LRP2: variants seen among roughly 807,000 people sequenced by gnomAD.
LRP2 encodes low-density lipoprotein receptor-related protein 2.
LRP2 carries 172 observed loss-of-function variants against 531.0 expected under a neutral mutation model. The ratio of observed to expected loss-of-function variants is 0.32; its 90% confidence interval spans 0.29 to 0.37. The LOEUF (loss-of-function observed/expected upper bound fraction) is 0.37. Among genes scored for constraint, LRP2 ranks in the 10% least tolerant of loss-of-function variants. The probability of loss-of-function intolerance (pLI) is 1.00; values close to 1 mark genes in which losing one functional copy is unlikely to be tolerated. For missense variants in LRP2, 5,167 were observed against 5,868.3 expected, an observed-to-expected ratio of 0.88 and a Z score of 3.90; for synonymous variants, 1,992 against 2,027.6, an observed-to-expected ratio of 0.98 and a Z score of 0.47.
intron 1 of LRP2, among the ~76,000 whole-genome samples, chr2:169,343,539 T>C (rs1254565766): frequency 1.3e-5 from 2 of 152,176 alleles, no homozygotes; most frequent in African/African-American, 4.8e-5. Flanking sequence ...GGACCTTGCA[T>C]GTTCACAATA....
intron 15 of LRP2, among the ~76,000 whole-genome samples, 159 bp downstream of exon 15, chr2:169,272,768 A>G: frequency 6.6e-6 from 1 of 152,188 alleles, no homozygotes; most frequent in East Asian, 1.9e-4. Flanking sequence ...AGTGGTGCCT[A>G]CCAAGGAAGA....
Position 169,235,862 on chromosome 2 carries a change from C to T in LRP2, c.4898G>A (p.Arg1633Lys). 2 of 1,614,142 alleles carry T rather than the reference C, an allele frequency of 1.2e-6. No homozygotes were observed. Among genetic ancestry groups the T allele is most frequent in the Non-Finnish European group, 1.7e-6 (2 of 1,179,978 alleles). Residue 1633 changes from arginine to lysine, a missense_variant, in exon 29 of 79, where the codon AGA (arginine) becomes AAA (lysine). This residue lies in a region of LRP2 where 2,811 missense variants were observed against 3,058.0 expected (regional missense o/e 0.92). Coordinates refer to ENST00000649046, the MANE Select transcript of LRP2 (RefSeq NM_004525.3). The stretch of plus-strand genomic sequence containing the variant: ...TACCAAATCACTGGCTATCACCTGT[C>T]TCCGATGGTGTCCATTATAATCACA... ...DFCDYNGHHR[R>K]QVIASDLIIR...
At chr2:169,195,652 T>C (rs1359523717) in intron 46 of LRP2, among the ~76,000 whole-genome samples, 1 of 152,196 alleles carries the variant, frequency 6.6e-6, no homozygotes, top group African/African-American at 2.4e-5. Context: ...ATATTAATTA[T>C]TCATATATTT....
chr2:169,265,320 C>G (rs1690755763), intron 16 of LRP2, among the ~76,000 whole-genome samples: 1 of 152,024 alleles, frequency 6.6e-6, no homozygotes, highest in Non-Finnish European at 1.5e-5. Context: ...ACCAAGCCAC[C>G]TTCCTGCCTG....
intron 55 of LRP2, 124 bp downstream of exon 55, chr2:169,175,069 G>T: frequency 1.2e-6 from 1 of 835,334 alleles, no homozygotes; most frequent in Non-Finnish European, 2.0e-6. Flanking sequence ...GATGGAGCCT[G>T]AGTTTCCTTC....
intron 74 of LRP2, 149 bp from the exon 75 acceptor site, chr2:169,138,855 G>T: frequency 1.1e-6 from 1 of 902,150 alleles, no homozygotes; most frequent in Non-Finnish European, 1.7e-6. Flanking sequence ...AATTTACACT[G>T]TCAAATATGG....
At chr2:169,139,749 T>C in intron 72 of LRP2, 139 bp from the exon 73 acceptor site, 1 of 782,620 alleles carries the variant, frequency 1.3e-6, no homozygotes, top group Non-Finnish European at 2.3e-6. Context: ...TGCATGACTT[T>C]TGTTCATTCT....
chr2:169,156,214 T>G (rs1686325837), intron 65 of LRP2, 60 bp downstream of exon 65: 2 of 1,605,928 alleles, frequency 1.2e-6, no homozygotes, highest in Admixed American at 3.3e-5. Context: ...CATCGTATAG[T>G]GTACTTAGCA....
chr2:169,184,190 A>T (rs1360455545), intron 50 of LRP2, among the ~76,000 whole-genome samples: 1 of 152,156 alleles, frequency 6.6e-6, no homozygotes, highest in Non-Finnish European at 1.5e-5. Flanking sequence ...GGAACAAAGG[A>T]TGGTGACAAG....
At chr2:169,213,932 C>T in intron 35 of LRP2, 62 bp from the exon 36 acceptor site, 1 of 1,065,342 alleles carries the variant, frequency 9.4e-7, no homozygotes, top group Non-Finnish European at 1.5e-6. Flanking sequence ...AACATTTAAA[C>T]ACTAATATTC....
intron 17 of LRP2, among the ~76,000 whole-genome samples, chr2:169,258,001 A>C (rs1409706775): frequency 6.6e-6 from 1 of 152,126 alleles, no homozygotes; most frequent in Admixed American, 6.6e-5. Context: ...GTTTTTCAAA[A>C]CCAAAGGCCA....
At chr2:169,279,086 A>G (rs1416763446) in intron 12 of LRP2, among the ~76,000 whole-genome samples, 1 of 152,226 alleles carries the variant, frequency 6.6e-6, no homozygotes, top group Non-Finnish European at 1.5e-5. Flanking sequence ...TCTCTTAGCT[A>G]GGAAAACGTG....
intron 16 of LRP2, 60 bp downstream of exon 16, chr2:169,270,844 A>G: frequency 1.6e-6 from 2 of 1,222,808 alleles, no homozygotes; most frequent in Admixed American, 1.8e-5. Flanking sequence ...TGTAAGTATC[A>G]TTACAATAAA....
Position 169,290,876 on chromosome 2 carries a change from A to T in LRP2, c.891T>A (p.Asp297Glu), listed in dbSNP as rs112343092. 2.5e-6 allele frequency: 4 copies of T among 1,614,028 alleles called. No homozygotes were observed. The highest frequency in any genetic ancestry group is 3.4e-6 in the Non-Finnish European group (4 of 1,180,018). The change falls in exon 8 of 79, where the codon GAT becomes GAA. Residue 297 changes from aspartate to glutamate, a missense_variant. By Grantham distance (45) the Asp-to-Glu change is conservative (BLOSUM62 2). Around this residue, in one of 6 missense-constraint regions of LRP2, gnomAD observed 2,811 missense variants for 3,058.0 expected, o/e 0.92. Transcript: ENST00000649046. ...DGILDCPGRE[D>E]ENNTSTGKYC... The stretch of plus-strand genomic sequence containing the variant: ...ATTTTCCGGTACTAGTGTTGTTTTC[A>T]TCTTCTCTTCCTGGGCAATCTAAAA...
Position 169,182,146 on chromosome 2 carries a change from A to G in LRP2, c.9998+21T>C, listed in dbSNP as rs1241619924. On this transcript the variant is annotated intron_variant, in intron 51 of 78. Transcript: ENST00000649046. ...GAAGAAGGAGGTGAAAGAAAAGCCC[A>G]GGATTGCAGGGAGACAATACCCATA... is the stretch of plus-strand genomic sequence containing the variant. 1.9e-6 allele frequency: 3 copies of G among 1,613,768 alleles called. No individual in the cohort carries two copies. In the African/African-American group the frequency reaches 4.0e-5, roughly 22 times the overall value.
At chr2:169,333,172 G>T (rs1347665665) in intron 1 of LRP2, among the ~76,000 whole-genome samples, 1 of 151,968 alleles carries the variant, frequency 6.6e-6, no homozygotes, top group Non-Finnish European at 1.5e-5. Flanking sequence ...TTAAAAACTG[G>T]TTTTGCTGAT....
intron 14 of LRP2, among the ~76,000 whole-genome samples, chr2:169,274,779 G>A (rs1683509407): frequency 6.6e-6 from 1 of 152,096 alleles, no homozygotes; most frequent in Non-Finnish European, 1.5e-5. Flanking sequence ...CTTTGCAGGT[G>A]CTAATAAACA....
Position 169,145,658 on chromosome 2 carries a change from T to C in LRP2, c.12988+89A>G, listed in dbSNP as rs920941137. 26 of 1,277,144 alleles carry C rather than the reference T, an allele frequency of 2.0e-5. No homozygotes were observed. The African/African-American group carries it at 2.5e-4, about 12-fold the overall frequency. 79.1% of individuals were successfully genotyped at this position (1,277,144 alleles called of 1,614,324 possible). On this transcript the variant is annotated intron_variant, in intron 70 of 78. Coordinates refer to ENST00000649046, the MANE Select transcript of LRP2 (RefSeq NM_004525.3). ...GCACCAAGAGATTAGCTTGTTGTTA[T>C]CTACTGCCATCTTCCAGCAATATAG...
At chr2:169,299,121 A>G (rs1199277611) in intron 4 of LRP2, among the ~76,000 whole-genome samples, 1 of 106,944 alleles carries the variant, frequency 9.4e-6, no homozygotes, top group Non-Finnish European at 2.0e-5. Context: ...GAAAGAAAGA[A>G]AGAAAGAAAG....
Sources: gnomAD v4.1 joint callset for allele counts (sites outside exome capture counted in the v4.1 genomes callset) on GRCh38, gnomAD v4.1.1 for gene constraint, gnomAD v4.1.1 regional missense constraint, MANE v1.5 for transcripts, NCBI Gene and HGNC (gene_info 2026-07-23, HGNC 2026-07-21) for gene names.